Variants in ARIH2 observed in about 807,000 individuals in gnomAD.
ARIH2 encodes E3 ubiquitin-protein ligase ARIH2.
Under a neutral mutation model 79.8 loss-of-function variants are expected in ARIH2, and 12 were observed. The observed-to-expected ratio is 0.15, with a 90% CI of 0.10 to 0.24. The LOEUF (loss-of-function observed/expected upper bound fraction) is 0.24, where lower values mean the gene tolerates loss of function less well. Among genes scored for constraint, ARIH2 ranks in the 10% least tolerant of loss-of-function variants. The probability of loss-of-function intolerance (pLI) is 1.00; values close to 1 mark genes in which losing one functional copy is unlikely to be tolerated. For missense variants in ARIH2, 301 were observed against 618.3 expected, an observed-to-expected ratio of 0.49 and a Z score of 5.44; for synonymous variants, 224 against 213.9, an observed-to-expected ratio of 1.05 and a Z score of -0.41.
At chr3:48,975,859 G>A (rs1201147444) in intron 11 of ARIH2, among the ~76,000 whole-genome samples, 3 of 151,636 alleles carry the variant, frequency 2.0e-5, no homozygotes, top group Non-Finnish European at 2.9e-5. Flanking sequence ...CACTGTGCCC[G>A]ACCGAGAATT....
chr3:48,944,011 T>C (rs951939983), intron 3 of ARIH2, among the ~76,000 whole-genome samples: 1 of 152,216 alleles, frequency 6.6e-6, no homozygotes, highest in African/African-American at 2.4e-5. Context: ...GCATTTCTTT[T>C]GGTTGGGTTT....
In ARIH2 at chr3:48,973,590, AAAG is replaced by A. The variant is rs1284921860; in HGVS notation, c.771-106_771-104del. 30 of 779,764 alleles carry A rather than the reference AAAG, an allele frequency of 3.8e-5. No individual in the cohort carries two copies. The African/African-American group carries it at 3.9e-4, about 10-fold the overall frequency. 48.3% of individuals were successfully genotyped at this position (779,764 alleles called of 1,614,324 possible). The stretch of plus-strand genomic sequence containing the variant: ...GACTCTGTCTCAAAAAAAAAAAAAA[AAAG>A]AAAAAAGCTCTAATTCATGATTTGT... On this transcript the variant is annotated intron_variant, in intron 8 of 15. Coordinates refer to ENST00000356401, the MANE Select transcript of ARIH2 (RefSeq NM_006321.4).
chr3:48,921,555 T>C (rs573865708), intron 1 of ARIH2: 1 of 149,378 alleles, frequency 6.7e-6, no homozygotes, highest in East Asian at 2.1e-4. Flanking sequence ...TGCCGTAGCC[T>C]CCCGAGTAGC....
intron 14 of ARIH2, 52 bp from the exon 15 acceptor site, chr3:48,982,844 T>C: frequency 6.9e-7 from 1 of 1,447,500 alleles, no homozygotes; most frequent in Non-Finnish European, 9.7e-7. Context: ...GTACAGGCCC[T>C]GCCCCAGCCA....
intron 14 of ARIH2, 60 bp downstream of exon 14, chr3:48,981,788 A>G (rs1199442527): frequency 1.4e-6 from 2 of 1,385,806 alleles, no homozygotes; most frequent in African/African-American, 2.8e-5. Context: ...CTTCTCTACC[A>G]GCACTTTGCA....
intron 3 of ARIH2, among the ~76,000 whole-genome samples, chr3:48,933,541 CTT>C (rs779068845): frequency 1.3e-3 from 168 of 125,846 alleles, no homozygotes; most frequent in African/African-American, 4.1e-3. Context: ...ATATTGCTCA[CTT>C]TTTTTTTTTT....
intron 3 of ARIH2, among the ~76,000 whole-genome samples, chr3:48,954,940 A>G (rs2090405336): frequency 6.6e-6 from 1 of 152,140 alleles, no homozygotes; most frequent in Non-Finnish European, 1.5e-5. Context: ...GCTCATGCCC[A>G]TAATCCCCAC....
chr3:48,961,714 C>T (rs763353636), intron 4 of ARIH2, 35 bp downstream of exon 4: 4 of 1,327,824 alleles, frequency 3.0e-6, no homozygotes, highest in South Asian at 1.2e-5. Flanking sequence ...GAACATTGCC[C>T]ATAGCTCCCC....
intron 3 of ARIH2, 112 bp downstream of exon 3, chr3:48,927,925 A>G: frequency 7.6e-7 from 1 of 1,312,084 alleles, no homozygotes; most frequent in Admixed American, 2.3e-5. Context: ...GCTTGAAACC[A>G]AATTTAAGTG....
chr3:48,965,079 G>A (rs2091640561), intron 5 of ARIH2, 97 bp downstream of exon 5: 3 of 1,195,760 alleles, frequency 2.5e-6, no homozygotes, highest in South Asian at 2.5e-5. Flanking sequence ...TTGGCTGGGT[G>A]CGGTGTGGCT....
chr3:48,981,786 C>T (rs2092760829), intron 14 of ARIH2, 58 bp downstream of exon 14: 5 of 1,425,156 alleles, frequency 3.5e-6, no homozygotes, highest in Non-Finnish European at 4.9e-6. Flanking sequence ...CCCTTCTCTA[C>T]CAGCACTTTG....
intron 8 of ARIH2, among the ~76,000 whole-genome samples, chr3:48,971,651 C>T (rs2092244833): frequency 6.6e-6 from 1 of 152,198 alleles, no homozygotes; most frequent in South Asian, 2.1e-4. Flanking sequence ...CTGGAATATT[C>T]ATGGTGGGGC....
Position 48,928,837 on chromosome 3 carries a change from T to G in ARIH2, c.255+1024T>G, listed in dbSNP as rs143317836. ...AAGCTGAAAGCTAAGTTGTTTTTTT[T>G]TTTGTGTGACTAATTTCTAGAAGTG... On this transcript the variant is annotated intron_variant, in intron 3 of 15. Transcript: ENST00000356401. Among the ~76,000 whole-genome samples, 517 of 152,282 alleles carry G rather than the reference T, an allele frequency of 3.4e-3. 5 individuals are homozygous for G. Among genetic ancestry groups the G allele is most frequent in the African/African-American group, 0.012 (487 of 41,556 alleles).
chr3:48,958,538 T>A (rs558696398), intron 3 of ARIH2, among the ~76,000 whole-genome samples: 1 of 151,816 alleles, frequency 6.6e-6, no homozygotes, highest in African/African-American at 2.4e-5. Flanking sequence ...GGTGAAACCC[T>A]GTCTTTACTA....
intron 5 of ARIH2, 67 bp from the exon 6 acceptor site, chr3:48,967,058 A>C: frequency 6.5e-7 from 1 of 1,538,328 alleles, no homozygotes; most frequent in South Asian, 1.2e-5. Flanking sequence ...ACCCGGCTGC[A>C]TGAGGTACCC....
At chr3:48,940,144 T>TG (rs1422033697) in intron 3 of ARIH2, among the ~76,000 whole-genome samples, 3 of 152,024 alleles carry the variant, frequency 2.0e-5, no homozygotes, top group Non-Finnish European at 4.4e-5. Context: ...AGGCGGAGCT[T>TG]GCAGTGAGCC....
chr3:48,951,541 G>A (rs902899957), intron 3 of ARIH2, among the ~76,000 whole-genome samples: 6 of 152,132 alleles, frequency 3.9e-5, no homozygotes, highest in African/African-American at 1.2e-4. Flanking sequence ...GAATTCATCA[G>A]TAAAATCCCT....
At chr3:48,958,365 C>A (rs2090848582) in intron 3 of ARIH2, among the ~76,000 whole-genome samples, 1 of 152,088 alleles carries the variant, frequency 6.6e-6, no homozygotes, top group African/African-American at 2.4e-5. Context: ...GTAGTAGGAT[C>A]GTGTCTGTGA....
In ARIH2 at chr3:48,979,534, T is replaced by C; in HGVS notation, c.1014T>C (p.Tyr338=). The part of the protein sequence containing the change: ...GDWKTHGSEY[Y]ECSRYKENPD... ...GGAAGACTCATGGCAGTGAATACTA[T>C]GAGTGCAGTCGTTACAAGGAGAATC... Residue 338 remains tyrosine (Y), a synonymous_variant, in exon 12 of 16, where the codon TAT becomes TAC. Coordinates refer to ENST00000356401, the MANE Select transcript of ARIH2 (RefSeq NM_006321.4). The C allele has an allele frequency of 6.2e-7, 1 of 1,614,244 alleles. No individual in the cohort carries two copies. Among genetic ancestry groups the C allele is most frequent in the Non-Finnish European group, 8.5e-7 (1 of 1,180,036 alleles).
Sources: gnomAD v4.1 joint callset for allele counts (sites outside exome capture counted in the v4.1 genomes callset) on GRCh38, gnomAD v4.1.1 for gene constraint, MANE v1.5 for transcripts, NCBI Gene and HGNC (gene_info 2026-07-23, HGNC 2026-07-21) for gene names.